Variants in POLR3E observed in about 807,000 individuals in gnomAD.
POLR3E encodes DNA-directed RNA polymerase III subunit RPC5.
Under a neutral mutation model 96.6 loss-of-function variants are expected in POLR3E, and 41 were observed. The observed-to-expected ratio is 0.42, with a 90% CI of 0.33 to 0.55. The LOEUF is 0.55. POLR3E is among the 20% of genes least tolerant of loss of function. The probability of loss-of-function intolerance (pLI) is 0.06; values close to 1 mark genes in which losing one functional copy is unlikely to be tolerated. For synonymous variants in POLR3E, 396 were observed against 383.6 expected, an observed-to-expected ratio of 1.03 and a Z score of -0.38; for missense variants, 849 against 952.1, an observed-to-expected ratio of 0.89 and a Z score of 1.43.
rs760900270 is a variant in POLR3E, at chr16:22,318,976, A to T, written c.986+30A>T. On this transcript the variant is annotated intron_variant, in intron 13 of 20. Transcript: ENST00000299853. The surrounding 1 kb of genome is among the most constrained non-coding windows in gnomAD (Gnocchi z 5.0). The stretch of plus-strand genomic sequence containing the variant: ...GTTGCTTTTTTTATTTTTTATTTTT[A>T]TTTATTTTTTTCCTTGAGGCAGAGC... 1.1e-4 allele frequency: 161 copies of T among 1,527,906 alleles called. No homozygotes were observed. The highest frequency in any genetic ancestry group is 1.6e-4 in the Admixed American group (8 of 51,266). 94.6% of individuals were successfully genotyped at this position (1,527,906 alleles called of 1,614,324 possible). A position where few individuals can be genotyped will look rare whatever the true frequency, so the allele number is the denominator to read the frequency against.
intron 19 of POLR3E, 23 bp from the exon 20 acceptor site, chr16:22,332,037 A>G (rs2048751332): frequency 6.2e-7 from 1 of 1,611,234 alleles, no homozygotes; most frequent in South Asian, 1.1e-5. Flanking sequence ...GTTTCCCATC[A>G]TAACGTGTTT....
Position 22,305,185 on chromosome 16 carries a change from G to A in POLR3E, c.66G>A (p.Ala22=), listed in dbSNP as rs746414374. Residue 22 remains alanine, a synonymous_variant, in exon 3 of 21, where the codon GCG becomes GCA. Transcript: ENST00000299853. ...EIDVYLAKSL[A]EKLYLFQYPV... is the part of the protein sequence containing the mutation. ...ATGTGTACTTGGCCAAGAGTCTGGC[G>A]GAAAAGCTGTATCTATTTCAGGTAA... 29 of 1,612,582 alleles carry A rather than the reference G, an allele frequency of 1.8e-5. No individual in the cohort carries two copies. The highest frequency in any genetic ancestry group is 1.3e-4 in the East Asian group (6 of 44,886).
At position 22,324,540 on chromosome 16, in the gene POLR3E, T is replaced by C; in HGVS notation, c.1166T>C (p.Met389Thr). 6.2e-7 allele frequency: 1 copy of C among 1,612,238 alleles called. No homozygotes were observed. The highest frequency in any genetic ancestry group is 8.5e-7 in the Non-Finnish European group (1 of 1,179,334). Residue 389 changes from methionine (M) to threonine (T), a missense_variant, in exon 16 of 21, where the codon ATG becomes ACG. Met to Thr is a moderately conservative substitution (Grantham distance 81). Coordinates refer to ENST00000299853, the MANE Select transcript of POLR3E (RefSeq NM_018119.4). ...GATGTGAAGGACTTCCTGGAGCACA[T>C]GGCCGTGGTGAGGATCAACAAAGGC... Reference protein sequence around the residue: ...AEDVKDFLEHMAVVRINKGWE... With the variant: ...AEDVKDFLEHTAVVRINKGWE...
rs773304266 is a variant in POLR3E, at chr16:22,326,213, G to T, written c.1801G>T (p.Gly601Cys). 5.0e-6 allele frequency: 8 copies of T among 1,613,624 alleles called. No homozygotes were observed. The highest frequency in any genetic ancestry group is 6.8e-6 in the Non-Finnish European group (8 of 1,179,914). The change falls in exon 18 of 21, where the codon GGC (glycine) becomes TGC (cysteine). Residue 601 changes from glycine to cysteine, a missense_variant. Physicochemically the swap from Gly to Cys is radical, Grantham distance 159. Transcript: ENST00000299853. ...GCCCCCCGGCCACACACTCTTCAGC[G>T]GCATCTCGGACCGCATGCTACAGGA... is the stretch of plus-strand genomic sequence containing the variant. ...SLPPGHTLFSGISDRMLQDTV... is the reference protein window; with the variant it reads ...SLPPGHTLFSCISDRMLQDTV...
chr16:22,306,548 C>A (rs1343622791), intron 3 of POLR3E, among the ~76,000 whole-genome samples: 1 of 152,222 alleles, frequency 6.6e-6, no homozygotes, highest in East Asian at 1.9e-4. Flanking sequence ...CCACCGCTCC[C>A]AGCCAATATT....
intron 1 of POLR3E, among the ~76,000 whole-genome samples, chr16:22,301,869 A>G (rs2048030643): frequency 6.6e-6 from 1 of 151,068 alleles, no homozygotes; most frequent in Non-Finnish European, 1.5e-5. Flanking sequence ...GGTTGCAGTG[A>G]GCCGATCGTA....
chr16:22,325,325 C>T (rs1399316193), intron 17 of POLR3E, 59 bp downstream of exon 17: 1 of 1,367,922 alleles, frequency 7.3e-7, no homozygotes, highest in Non-Finnish European at 1.0e-6. Flanking sequence ...TCCGGAAGGG[C>T]TGCTGTGCTA....
In POLR3E at chr16:22,325,919, A is replaced by AGCGAGGAGG. The variant is rs754557841; in HGVS notation, c.1517_1525dup (p.Gly506_Glu508dup). The AGCGAGGAGG allele has an allele frequency of 3.4e-5, 54 of 1,602,178 alleles. No individual in the cohort carries two copies. The highest frequency in any genetic ancestry group is 1.2e-4 in the Admixed American group (7 of 57,500). On this transcript the variant is annotated inframe_insertion, in exon 18 of 21. Transcript: ENST00000299853. Reference sequence around the variant, plus strand: ...TGTGCGGATCAAGGAGGAGCCCGTGAGCGAGGAGGGCGAGGAGGACGAGGA... The same window carrying AGCGAGGAGG: ...TGTGCGGATCAAGGAGGAGCCCGTGAGCGAGGAGGGCGAGGAGGGCGAGGAGGACGAGGA...
Position 22,309,556 on chromosome 16 carries a change from G to T in POLR3E, c.364+46G>T, listed in dbSNP as rs183530860. ...CGCGGTGGGGACATGGCATTGGGGG[G>T]GGCTGGGCAGGGAGAGTACCTCCCC... On this transcript the variant is annotated intron_variant, in intron 6 of 20. Transcript: ENST00000299853. The T allele has an allele frequency of 5.5e-3, 7,322 of 1,335,908 alleles. 38 individuals carry two copies. Among genetic ancestry groups the T allele is most frequent in the Non-Finnish European group, 6.8e-3 (6,329 of 927,738 alleles). The allele number at this position is 1,335,908 out of a possible 1,614,324, so 82.8% of individuals were successfully genotyped here.
At chr16:22,324,446 C>T (rs2048535099) in intron 15 of POLR3E, 33 bp downstream of exon 15, 5 of 1,610,624 alleles carry the variant, frequency 3.1e-6, no homozygotes, top group Non-Finnish European at 4.2e-6. Context: ...GAGGCCCAGG[C>T]TGCTGCTGGA....
rs1373506580 is a variant in POLR3E, at chr16:22,303,020, T to C, written c.36+16T>C. On this transcript the variant is annotated intron_variant, in intron 2 of 20. Transcript: ENST00000299853. ...TGTACAGGAGGTAACTGCTGCTCTCTGTCCCCTGCCGCCGGGGCTACAGGC... is the reference window on the plus strand; with the variant it reads ...TGTACAGGAGGTAACTGCTGCTCTCCGTCCCCTGCCGCCGGGGCTACAGGC... 1.2e-6 allele frequency: 2 copies of C among 1,612,688 alleles called. No individual in the cohort carries two copies. The highest frequency in any genetic ancestry group is 3.3e-5 in the Admixed American group (2 of 60,002).
chr16:22,320,617 T>C (rs962720535), intron 13 of POLR3E, among the ~76,000 whole-genome samples: 5 of 152,200 alleles, frequency 3.3e-5, no homozygotes, highest in African/African-American at 9.6e-5. Context: ...CTGTATCCAG[T>C]CAATCAATAT....
chr16:22,317,218 C>T lies in POLR3E; in HGVS notation c.865+12C>T. 6.2e-7 allele frequency: 1 copy of T among 1,603,664 alleles called. No homozygotes were observed. On this transcript the variant is annotated intron_variant, in intron 12 of 20. Transcript: ENST00000299853. ...CCTGATGAAGAATGGTGGGTGCCTA[C>T]CCCCTGCCCACCCGGGGGCCCCAGT...
At position 22,318,963 on chromosome 16, in the gene POLR3E, A is replaced by G; in HGVS notation, c.986+17A>G. The G allele has an allele frequency of 1.9e-6, 3 of 1,554,634 alleles. No individual in the cohort carries two copies. In the South Asian group the frequency reaches 3.6e-5, roughly 19 times the overall value. ...GGTGAAGAGGTAAGTTGCTTTTTTTATTTTTTATTTTTATTTATTTTTTTC... is the reference window on the plus strand; with the variant it reads ...GGTGAAGAGGTAAGTTGCTTTTTTTGTTTTTTATTTTTATTTATTTTTTTC... On this transcript the variant is annotated intron_variant, in intron 13 of 20. Coordinates refer to ENST00000299853, the MANE Select transcript of POLR3E (RefSeq NM_018119.4). The surrounding 1 kb of genome is among the most constrained non-coding windows in gnomAD (Gnocchi z 5.0).
Position 22,325,878 on chromosome 16 carries a change from C to T in POLR3E, c.1466C>T (p.Pro489Leu). The T allele has an allele frequency of 2.5e-6, 4 of 1,610,864 alleles. No individual in the cohort carries two copies. The highest frequency in any genetic ancestry group is 3.4e-6 in the Non-Finnish European group (4 of 1,178,762). Residue 489 changes from proline to leucine, a missense_variant, in exon 18 of 21, where the codon CCT becomes CTT. Coordinates refer to ENST00000299853, the MANE Select transcript of POLR3E (RefSeq NM_018119.4). ...CGGCGGAAGGAGCAGCTGCGGGTGCCTGCGGTCCCGCCCGGTGTGCGGATC... is the reference window on the plus strand; with the variant it reads ...CGGCGGAAGGAGCAGCTGCGGGTGCTTGCGGTCCCGCCCGGTGTGCGGATC... ...LQRRKEQLRVPAVPPGVRIKE... is the reference protein window; with the variant it reads ...LQRRKEQLRVLAVPPGVRIKE...
Position 22,334,903 on chromosome 16 carries a change from T to C in POLR3E, c.*1203T>C, listed in dbSNP as rs1180210311. ...AACACAGTCACTAATTGTCTGAAGG[T>C]TTAAATGACGGTCTATGCTATTTCC... On this transcript the variant is annotated 3_prime_UTR_variant, in exon 21 of 21. Transcript: ENST00000299853. 1 of 152,192 alleles carries C rather than the reference T, an allele frequency of 6.6e-6. No homozygotes were observed. The highest frequency in any genetic ancestry group is 1.5e-5 in the Non-Finnish European group (1 of 68,036). The allele number at this position is 152,192 out of a possible 1,614,324, so 9.4% of individuals were successfully genotyped here. A position where few individuals can be genotyped will look rare whatever the true frequency, so the allele number is the denominator to read the frequency against.
At chr16:22,320,271 A>G (rs566553249) in intron 13 of POLR3E, among the ~76,000 whole-genome samples, 1 of 149,136 alleles carries the variant, frequency 6.7e-6, no homozygotes, top group Non-Finnish European at 1.5e-5. Flanking sequence ...GTGTATTTTT[A>G]TTTTTTTTTT....
In POLR3E at chr16:22,307,787, C is replaced by T. The variant is rs117971386; in HGVS notation, c.88-361C>T. The stretch of plus-strand genomic sequence containing the variant: ...TGGTCGTCCTTCTCTCCCCGGATGG[C>T]CTGTCCACTGGTAGTTAGGCCCTGG... On this transcript the variant is annotated intron_variant, in intron 3 of 20. Coordinates refer to ENST00000299853, the MANE Select transcript of POLR3E (RefSeq NM_018119.4). 4.9e-3 allele frequency among the ~76,000 whole-genome samples: 740 copies of T among 152,298 alleles called. 2 individuals carry two copies. The highest frequency in any genetic ancestry group is 7.5e-3 in the Non-Finnish European group (513 of 68,022).
At chr16:22,323,788 C>T (rs769412763) in intron 14 of POLR3E, among the ~76,000 whole-genome samples, 4 of 152,150 alleles carry the variant, frequency 2.6e-5, no homozygotes, top group South Asian at 2.1e-4. Flanking sequence ...TCAGAACTGG[C>T]GGCTTGGTGG....
Sources: allele counts gnomAD v4.1 joint callset (sites outside exome capture counted in the v4.1 genomes callset), GRCh38; gene constraint gnomAD v4.1.1; non-coding constraint Gnocchi (gnomAD v3.1); transcripts MANE v1.5; gene names NCBI Gene and HGNC (gene_info 2026-07-23, HGNC 2026-07-21).